PACS1: variants seen among roughly 807,000 people sequenced by gnomAD.
The protein encoded by PACS1 is phosphofurin acidic cluster sorting protein 1.
Under a neutral mutation model 115.0 loss-of-function variants are expected in PACS1, and 24 were observed. The ratio of observed to expected loss-of-function variants is 0.21; its 90% CI spans 0.15 to 0.29. The LOEUF is 0.29. PACS1 is among the 10% of genes least tolerant of loss of function. PACS1 has a pLI of 1.00. For missense variants in PACS1, 838 were observed against 1,251.2 expected (o/e 0.67, Z 4.98); for synonymous variants, 453 against 504.5 (o/e 0.90, Z 1.37).
Position 66,243,252 on chromosome 11 carries a change from G to A in PACS1, c.2864G>A (p.Gly955Glu). 1.2e-6 allele frequency: 2 copies of A among 1,608,720 alleles called. No individual in the cohort carries two copies. The highest frequency in any genetic ancestry group is 1.7e-6 in the Non-Finnish European group (2 of 1,177,400). The change falls in exon 24 of 24, where the codon GGA (glycine) becomes GAA (glutamate). Residue 955 changes from glycine (G) to glutamate (E), a missense_variant. Physicochemically the swap from Gly to Glu is moderately conservative, Grantham distance 98. Around this residue, in one of 6 missense-constraint regions of PACS1, gnomAD observed 84 missense variants for 187.1 expected, o/e 0.45. Transcript: ENST00000320580. ...WPTHVKHFPV[G>E]LFSGSKAT ...ACCCATGTCAAGCACTTTCCAGTGG[G>A]ACTCTTCAGTGGCAGCAAGGCCACC...
chr11:66,235,955 C>T lies in PACS1; in HGVS notation c.2250+15C>T. On this transcript the variant is annotated intron_variant, in intron 19 of 23. Coordinates refer to ENST00000320580, the MANE Select transcript of PACS1 (RefSeq NM_018026.4). This position sits in a 1 kb window ranked among gnomAD's most constrained non-coding sequence, Gnocchi z 5.6. ...CCTTCATTGGCGTGAGTACTGACTC[C>T]CTCTGCTTGGCACCCCACCCGTTCT... 3.1e-6 allele frequency: 5 copies of T among 1,611,940 alleles called. No homozygotes were observed. Among genetic ancestry groups the T allele is most frequent in the Non-Finnish European group, 4.2e-6 (5 of 1,178,030 alleles).
chr11:66,183,603 C>T (rs1860053015), intron 1 of PACS1, among the ~76,000 whole-genome samples: 1 of 152,210 alleles, frequency 6.6e-6, no homozygotes, highest in African/African-American at 2.4e-5. Flanking sequence ...GTAGGACAGG[C>T]AAGCCCCAGA....
chr11:66,135,605 T>G (rs1181407309), intron 1 of PACS1, among the ~76,000 whole-genome samples: 1 of 151,738 alleles, frequency 6.6e-6, no homozygotes, highest in African/African-American at 2.4e-5. Flanking sequence ...AGGTTCAGCA[T>G]GTACCATGGC....
At chr11:66,137,437 A>C (rs745572728) in intron 1 of PACS1, among the ~76,000 whole-genome samples, 2 of 152,178 alleles carry the variant, frequency 1.3e-5, no homozygotes, top group Non-Finnish European at 2.9e-5. Flanking sequence ...TTCATGACAC[A>C]CTTTTGGATT....
intron 1 of PACS1, among the ~76,000 whole-genome samples, chr11:66,192,421 G>T (rs905685262): frequency 6.6e-6 from 1 of 152,342 alleles, no homozygotes; most frequent in African/African-American, 2.4e-5. Context: ...TGGCAGGGTG[G>T]TGCCAACAGA....
Position 66,239,286 on chromosome 11 carries a change from C to G in PACS1, c.2429+9C>G. 1.2e-6 allele frequency: 2 copies of G among 1,603,820 alleles called. No individual in the cohort carries two copies. The highest frequency in any genetic ancestry group is 2.2e-5 in the South Asian group (2 of 90,628). ...GCCCTGGCCATCGTGGGGTAAGGCTCCTGCCCGTACCTGTCCTGCCATGCC... is the reference window on the plus strand; with the variant it reads ...GCCCTGGCCATCGTGGGGTAAGGCTGCTGCCCGTACCTGTCCTGCCATGCC... On this transcript the variant is annotated intron_variant, in intron 21 of 23. Transcript: ENST00000320580.
chr11:66,079,346 C>T (rs1354017015), intron 1 of PACS1, among the ~76,000 whole-genome samples: 14 of 103,732 alleles, frequency 1.3e-4, no homozygotes, highest in South Asian at 8.7e-4. Context: ...GGGAAAAGGT[C>T]TGGGTAAAAA....
chr11:66,178,680 C>CA (rs899568177), intron 1 of PACS1, among the ~76,000 whole-genome samples: 2 of 151,254 alleles, frequency 1.3e-5, no homozygotes, highest in Non-Finnish European at 3.0e-5. Flanking sequence ...TGTTTTAAAA[C>CA]AAAAAAACAG....
At position 66,234,025 on chromosome 11, in the gene PACS1, G is replaced by A. The variant is rs1855655749; in HGVS notation, c.1993+86G>A. 9 of 1,566,116 alleles carry A rather than the reference G, an allele frequency of 5.7e-6. No homozygotes were observed. The African/African-American group carries it at 9.4e-5, about 16-fold the overall frequency. On this transcript the variant is annotated intron_variant, in intron 16 of 23. Coordinates refer to ENST00000320580, the MANE Select transcript of PACS1 (RefSeq NM_018026.4). ...TCTGGAACAGGACGGTGGGGTTGGG[G>A]CCTAGGAAGGGACAGTCAAGGAGAC...
At chr11:66,157,636 C>G (rs1859390050) in intron 1 of PACS1, among the ~76,000 whole-genome samples, 1 of 152,066 alleles carries the variant, frequency 6.6e-6, no homozygotes, top group Non-Finnish European at 1.5e-5. Context: ...AATAGTAGAT[C>G]AAGTTGAAGT....
At chr11:66,072,647 C>G (rs572347038) in intron 1 of PACS1, among the ~76,000 whole-genome samples, 99 of 152,296 alleles carry the variant, frequency 6.5e-4, no homozygotes, top group Admixed American at 2.6e-3. Context: ...GTGTTCCTCT[C>G]TTGATCCTAA....
chr11:66,109,536 A>G (rs1466796120), intron 1 of PACS1, among the ~76,000 whole-genome samples: 3 of 152,194 alleles, frequency 2.0e-5, no homozygotes, highest in Non-Finnish European at 2.9e-5. Context: ...TAGTAACAAG[A>G]AGGTAGTTCC....
chr11:66,233,096 C>T lies in PACS1; in HGVS notation c.1838+30C>T. Reference sequence around the variant, plus strand: ...GGGCTCTGGCCTCCCTTCTCCTGCCCTTAGAGATTCCCTCTGACCTCATCT... The same window carrying T: ...GGGCTCTGGCCTCCCTTCTCCTGCCTTTAGAGATTCCCTCTGACCTCATCT... On this transcript the variant is annotated intron_variant, in intron 15 of 23. Transcript: ENST00000320580. The surrounding 1 kb of genome is among the most constrained non-coding windows in gnomAD (Gnocchi z 4.5). 1.3e-6 allele frequency: 2 copies of T among 1,491,862 alleles called. No individual in the cohort carries two copies. Among genetic ancestry groups the T allele is most frequent in the Non-Finnish European group, 1.9e-6 (2 of 1,078,542 alleles). The allele number at this position is 1,491,862 out of a possible 1,614,324, so 92.4% of individuals were successfully genotyped here. A position where few individuals can be genotyped will look rare whatever the true frequency, so the allele number is the denominator to read the frequency against.
In PACS1 at chr11:66,196,226, A is replaced by G. The variant is rs145888414; in HGVS notation, c.444+2653A>G. ...GTGACAGAGCAAGACTCCGACCCAA[A>G]CAAGGGAGAGAAAGCCAGTTTTGCT... On this transcript the variant is annotated intron_variant, in intron 2 of 23. Transcript: ENST00000320580. 3.4e-3 allele frequency among the ~76,000 whole-genome samples: 521 copies of G among 152,354 alleles called. 4 individuals are homozygous for G. The highest frequency in any genetic ancestry group is 0.012 in the African/African-American group (499 of 41,590).
At chr11:66,164,934 TG>T (rs1419778905) in intron 1 of PACS1, among the ~76,000 whole-genome samples, 1 of 152,098 alleles carries the variant, frequency 6.6e-6, no homozygotes, top group Non-Finnish European at 1.5e-5. Flanking sequence ...TAACAAGCTG[TG>T]CTAGAAATTG....
intron 2 of PACS1, among the ~76,000 whole-genome samples, chr11:66,195,413 T>G (rs985546178): frequency 5.9e-5 from 9 of 152,106 alleles, no homozygotes; most frequent in African/African-American, 2.2e-4. Flanking sequence ...CCGATTTTGG[T>G]CCCCATTTCT....
At chr11:66,180,252 A>G (rs1859972361) in intron 1 of PACS1, among the ~76,000 whole-genome samples, 1 of 152,226 alleles carries the variant, frequency 6.6e-6, no homozygotes, top group Admixed American at 6.5e-5. Flanking sequence ...AAAACAAGAT[A>G]TTAATGCTGC....
In PACS1 at chr11:66,174,689, A is replaced by G. The variant is rs570366278; in HGVS notation, c.357-18797A>G. On this transcript the variant is annotated intron_variant, in intron 1 of 23. Coordinates refer to ENST00000320580, the MANE Select transcript of PACS1 (RefSeq NM_018026.4). ...CAGTATCCAGAAAAGACAGACCTAT[A>G]GAGATGGAGACATGATTGGCTTCCT... Among the ~76,000 whole-genome samples the G allele has an allele frequency of 2.2e-3, 336 of 152,312 alleles. 3 individuals carry two copies. Among genetic ancestry groups the G allele is most frequent in the African/African-American group, 7.9e-3 (327 of 41,572 alleles).
At chr11:66,231,999 C>T in intron 13 of PACS1, 173 bp from the exon 14 acceptor site, 1 of 574,798 alleles carries the variant, frequency 1.7e-6, no homozygotes, top group Non-Finnish European at 3.1e-6. Flanking sequence ...CTTCTTTCTC[C>T]TCCTTTCCAT....
Sources: gnomAD v4.1 joint callset for allele counts (sites outside exome capture counted in the v4.1 genomes callset) on GRCh38, gnomAD v4.1.1 for gene constraint, gnomAD v4.1.1 regional missense constraint, Gnocchi (gnomAD v3.1) non-coding constraint, MANE v1.5 for transcripts, NCBI Gene and HGNC (gene_info 2026-07-23, HGNC 2026-07-21) for gene names.